The following SLCO1B1 variants were observed in gnomAD, a reference collection of about 807,000 sequenced individuals.
The protein encoded by SLCO1B1 is OATP-2.
In SLCO1B1, 81 loss-of-function variants were observed where a neutral mutation model predicts 70.1. The ratio of observed to expected loss-of-function variants is 1.16; its 90% CI spans 0.97 to 1.39. The LOEUF is 1.39. Ranked by LOEUF, SLCO1B1 falls within the 40% of genes most tolerant of loss-of-function variation. The pLI is 0.00. For synonymous variants in SLCO1B1, 283 were observed against 271.5 expected, an observed-to-expected ratio of 1.04 and a Z score of -0.42; for missense variants, 895 against 799.6, an observed-to-expected ratio of 1.12 and a Z score of -1.44.
At chr12:21,196,150 A>G (rs1460948295) in intron 7 of SLCO1B1, among the ~76,000 whole-genome samples, 2 of 152,196 alleles carry the variant, frequency 1.3e-5, no homozygotes, top group African/African-American at 2.4e-5. Flanking sequence ...TGGATTTTCC[A>G]CTAATGGAAT....
At chr12:21,155,593 A>G (rs893853908) in intron 2 of SLCO1B1, among the ~76,000 whole-genome samples, 1 of 152,124 alleles carries the variant, frequency 6.6e-6, no homozygotes, top group African/African-American at 2.4e-5. Context: ...TTACTTAGTT[A>G]TGATAGTTTC....
At chr12:21,163,651 G>A (rs1365241204) in intron 2 of SLCO1B1, among the ~76,000 whole-genome samples, 1 of 152,106 alleles carries the variant, frequency 6.6e-6, no homozygotes, top group Non-Finnish European at 1.5e-5. Context: ...TCTGGTGACA[G>A]TTCTCTTCTT....
chr12:21,225,794 G>A (rs1281437820), intron 14 of SLCO1B1, among the ~76,000 whole-genome samples: 1 of 152,114 alleles, frequency 6.6e-6, no homozygotes. Flanking sequence ...TTCATTGCTG[G>A]TGGATATGTA....
chr12:21,190,604 A>T (rs779511352), intron 7 of SLCO1B1, among the ~76,000 whole-genome samples: 1 of 152,126 alleles, frequency 6.6e-6, no homozygotes, highest in Non-Finnish European at 1.5e-5. Context: ...ATAAATTTTG[A>T]TATTTTACAT....
At chr12:21,216,017 G>A (rs1204086027) in intron 11 of SLCO1B1, among the ~76,000 whole-genome samples, 2 of 152,108 alleles carry the variant, frequency 1.3e-5, no homozygotes, top group East Asian at 1.9e-4. Flanking sequence ...ACTAGCGAAG[G>A]CCTGAAAGTG....
chr12:21,183,835 A>G (rs986060404), intron 7 of SLCO1B1, among the ~76,000 whole-genome samples: 2 of 152,200 alleles, frequency 1.3e-5, no homozygotes, highest in African/African-American at 4.8e-5. Context: ...GCTGAAACAC[A>G]ATTTAAGGAA....
chr12:21,202,479 T>C lies in SLCO1B1; in HGVS notation c.1136-12T>C. ...TCATATATGATTACAACTTTTTTTC[T>C]TTTTTTTCTAGGAGTCATAACCATA... On this transcript the variant is annotated splice_polypyrimidine_tract_variant and intron_variant, in intron 9 of 14. Coordinates refer to ENST00000256958, the MANE Select transcript of SLCO1B1 (RefSeq NM_006446.5). 6.4e-7 allele frequency: 1 copy of C among 1,555,408 alleles called. No individual in the cohort carries two copies. The highest frequency in any genetic ancestry group is 8.8e-7 in the Non-Finnish European group (1 of 1,140,888).
chr12:21,197,483 G>C (rs1013191488), intron 8 of SLCO1B1, among the ~76,000 whole-genome samples: 1 of 151,944 alleles, frequency 6.6e-6, no homozygotes, highest in Non-Finnish European at 1.5e-5. Flanking sequence ...GTATTATATG[G>C]TCTAAACTGG....
intron 11 of SLCO1B1, among the ~76,000 whole-genome samples, chr12:21,210,543 T>A (rs11513414): frequency 9.3e-6 from 1 of 107,832 alleles, no homozygotes; most frequent in Non-Finnish European, 2.0e-5. Context: ...CTTGGCGATG[T>A]GGGCTCTTTT....
chr12:21,172,582 A>G (rs1265332810), intron 2 of SLCO1B1, 68 bp from the exon 3 acceptor site: 4 of 1,483,806 alleles, frequency 2.7e-6, no homozygotes, highest in Non-Finnish European at 3.8e-6. Flanking sequence ...TTATAATTCC[A>G]TGTGCCTATT....
chr12:21,200,675 A>G lies in SLCO1B1; in HGVS notation c.1135+3A>G. Reference sequence around the variant, plus strand: ...ATCTAAGGCTAACATCTTATTGGGTAAGACATATTTTTTACTTGTGTGCTT... The same window carrying G: ...ATCTAAGGCTAACATCTTATTGGGTGAGACATATTTTTTACTTGTGTGCTT... On this transcript the variant is annotated splice_donor_region_variant and intron_variant, in intron 9 of 14. Coordinates refer to ENST00000256958, the MANE Select transcript of SLCO1B1 (RefSeq NM_006446.5). 6.2e-7 allele frequency: 1 copy of G among 1,610,838 alleles called. No individual in the cohort carries two copies. Among genetic ancestry groups the G allele is most frequent in the Non-Finnish European group, 8.5e-7 (1 of 1,178,128 alleles).
intron 11 of SLCO1B1, among the ~76,000 whole-genome samples, chr12:21,207,505 T>C (rs376071580): frequency 1.3e-5 from 2 of 152,066 alleles, no homozygotes; most frequent in East Asian, 1.9e-4. Context: ...TTCCATTGTC[T>C]ATATGTACCA....
At chr12:21,170,915 A>C (rs1403709343) in intron 2 of SLCO1B1, among the ~76,000 whole-genome samples, 1 of 152,218 alleles carries the variant, frequency 6.6e-6, no homozygotes, top group African/African-American at 2.4e-5. Context: ...AGGGCCAGAC[A>C]CAGAGTAGGT....
chr12:21,131,809 G>T (rs527669906), intron 1 of SLCO1B1, among the ~76,000 whole-genome samples: 10 of 152,040 alleles, frequency 6.6e-5, no homozygotes, highest in Middle Eastern at 3.4e-3. Context: ...TAAGCAAAAA[G>T]TCTTCTCAGT....
At chr12:21,168,434 C>T (rs143205673) in intron 2 of SLCO1B1, among the ~76,000 whole-genome samples, 123 of 152,272 alleles carry the variant, frequency 8.1e-4, no homozygotes, top group African/African-American at 2.8e-3. Flanking sequence ...TAATTAATGG[C>T]TTGTATGGTG....
intron 11 of SLCO1B1, among the ~76,000 whole-genome samples, chr12:21,214,895 C>T (rs11045868): frequency 0.34 from 50,418 of 150,238 alleles, 8,829 homozygotes; most frequent in East Asian, 0.45. Context: ...GCTTCCCAAG[C>T]CAGGCAATGC....
chr12:21,213,226 C>G lies in SLCO1B1; in HGVS notation c.1498-3893C>G, dbSNP rs567894484. On this transcript the variant is annotated intron_variant, in intron 11 of 14. Transcript: ENST00000256958. ...ACCAGTTGTTCCTTTCCATGTTTAGCGCTTCCTTCAGGAGCTCTTGTAGGG... is the reference window on the plus strand; with the variant it reads ...ACCAGTTGTTCCTTTCCATGTTTAGGGCTTCCTTCAGGAGCTCTTGTAGGG... Among the ~76,000 whole-genome samples the G allele has an allele frequency of 1.8e-3, 280 of 152,100 alleles. 2 individuals are homozygous for G. The highest frequency in any genetic ancestry group is 5.6e-4 in the Non-Finnish European group (38 of 68,008).
chr12:21,186,689 G>A (rs1240824649), intron 7 of SLCO1B1, among the ~76,000 whole-genome samples: 1 of 151,958 alleles, frequency 6.6e-6, no homozygotes, highest in African/African-American at 2.4e-5. Flanking sequence ...AAAAAAAAAG[G>A]AAATTCATGA....
chr12:21,145,160 C>T (rs1441788554), intron 2 of SLCO1B1, among the ~76,000 whole-genome samples: 1 of 152,144 alleles, frequency 6.6e-6, no homozygotes, highest in Non-Finnish European at 1.5e-5. Flanking sequence ...TTGTTGTCTT[C>T]ATGACTCATG....
Sources: allele counts gnomAD v4.1 joint callset (sites outside exome capture counted in the v4.1 genomes callset), GRCh38; gene constraint gnomAD v4.1.1; transcripts MANE v1.5; gene names NCBI Gene and HGNC (gene_info 2026-07-23, HGNC 2026-07-21).